Variants in PCDHA11 observed in about 807,000 individuals in gnomAD.
The protein encoded by PCDHA11 is protocadherin alpha-11.
In PCDHA11, 61 loss-of-function variants were observed where a neutral mutation model predicts 70.3. That is an observed-to-expected ratio of 0.87 (90% CI 0.71 to 1.07). PCDHA11 has a LOEUF of 1.07. PCDHA11 is among the 50% of genes least tolerant of loss of function. The pLI is 0.00. For synonymous variants in PCDHA11, 633 were observed against 555.1 expected (o/e 1.14, Z -1.97); for missense variants, 1,324 against 1,237.5 (o/e 1.07, Z -1.05).
intron 1 of PCDHA11, chr5:140,877,065 G>T (rs782807909): frequency 6.2e-7 from 1 of 1,613,044 alleles, no homozygotes; most frequent in Non-Finnish European, 8.5e-7. Flanking sequence ...TGGAGCTGCT[G>T]CAGTTCCAGG....
chr5:140,882,049 T>C, intron 1 of PCDHA11: 1 of 752,814 alleles, frequency 1.3e-6, no homozygotes, highest in Non-Finnish European at 2.1e-6. Flanking sequence ...TGAGTCATAC[T>C]TACACTTACA....
intron 1 of PCDHA11, among the ~76,000 whole-genome samples, chr5:140,886,770 G>A (rs1554182701): frequency 6.8e-6 from 1 of 146,884 alleles, no homozygotes; most frequent in Non-Finnish European, 1.5e-5. Context: ...AGGTTGCAGT[G>A]AGATGAGATC....
Position 140,886,842 on chromosome 5 carries a change from A to AG in PCDHA11, c.2391+15348_2391+15349insG, listed in dbSNP as rs1190647876. ...ACTTCGTCTTGAAAAAAAAAAAAAA[A>AG]AAAAAGAAAGGTCTTCCCAACTCCT... is the stretch of plus-strand genomic sequence containing the variant. On this transcript the variant is annotated intron_variant, in intron 1 of 3. Coordinates refer to ENST00000398640, the MANE Select transcript of PCDHA11 (RefSeq NM_018902.5). 2.4e-3 allele frequency among the ~76,000 whole-genome samples: 362 copies of AG among 151,632 alleles called. 2 individuals are homozygous for AG. Among genetic ancestry groups the AG allele is most frequent in the Middle Eastern group, 0.014 (4 of 292 alleles).
chr5:140,886,422 T>G (rs930235903), intron 1 of PCDHA11, among the ~76,000 whole-genome samples: 1 of 152,240 alleles, frequency 6.6e-6, no homozygotes, highest in Non-Finnish European at 1.5e-5. Flanking sequence ...TCCTATATTA[T>G]TTCTATTCAT....
At chr5:140,976,818 G>A (rs782290955) in intron 1 of PCDHA11, among the ~76,000 whole-genome samples, 5 of 152,208 alleles carry the variant, frequency 3.3e-5, no homozygotes, top group Admixed American at 6.5e-5. Flanking sequence ...ATATGCATGT[G>A]TCTAATGAGC....
At chr5:140,892,819 A>G (rs551280418) in intron 1 of PCDHA11, among the ~76,000 whole-genome samples, 2 of 152,304 alleles carry the variant, frequency 1.3e-5, no homozygotes, top group South Asian at 4.1e-4. Context: ...TTTATCCTAC[A>G]GTGCTACAGT....
chr5:141,003,457 G>A (rs769049189), intron 3 of PCDHA11, among the ~76,000 whole-genome samples: 1 of 152,136 alleles, frequency 6.6e-6, no homozygotes, highest in Non-Finnish European at 1.5e-5. Flanking sequence ...AATTACAGGC[G>A]TGCACCACCA....
In PCDHA11 at chr5:140,871,391, C is replaced by T; in HGVS notation, c.2288C>T (p.Pro763Leu). Reference protein sequence around the residue: ...RRQRVCSEEGPPKTDLMAFSP... With the variant: ...RRQRVCSEEGLPKTDLMAFSP... ...CAGAGGGTGTGCTCTGAGGAGGGCC[C>T]ACCTAAGACGGACCTCATGGCCTTC... Residue 763 changes from proline (P) to leucine (L), a missense_variant, in exon 1 of 4, where the codon CCA becomes CTA. Transcript: ENST00000398640. 1 of 1,614,170 alleles carries T rather than the reference C, an allele frequency of 6.2e-7. No individual in the cohort carries two copies. The highest frequency in any genetic ancestry group is 8.5e-7 in the Non-Finnish European group (1 of 1,180,004).
intron 3 of PCDHA11, 104 bp from the exon 4 acceptor site, chr5:141,009,523 G>A: frequency 6.7e-7 from 1 of 1,502,140 alleles, no homozygotes; most frequent in Non-Finnish European, 8.9e-7. Flanking sequence ...GATTTTTCTG[G>A]GGAGGTTCAG....
rs571694728 is a variant in PCDHA11, at chr5:140,949,343, CTG to C, written c.2392-29602_2392-29601del. Among the ~76,000 whole-genome samples the C allele has an allele frequency of 8.0e-4, 121 of 151,818 alleles. 1 individual carries two copies. Among genetic ancestry groups the C allele is most frequent in the Admixed American group, 3.5e-3 (54 of 15,258 alleles). On this transcript the variant is annotated intron_variant, in intron 1 of 3. Transcript: ENST00000398640. ...TATAAATTATTGTTATCCAGATTTT[CTG>C]TGTCTTTATTTTTTTGTCTAGTTGT...
At chr5:140,898,450 C>G (rs1276825221) in intron 1 of PCDHA11, among the ~76,000 whole-genome samples, 4 of 152,148 alleles carry the variant, frequency 2.6e-5, no homozygotes, top group Non-Finnish European at 4.4e-5. Flanking sequence ...ATAGGGAATC[C>G]TTTCCCCATT....
intron 1 of PCDHA11, among the ~76,000 whole-genome samples, chr5:140,972,920 C>T (rs1343772789): frequency 6.6e-6 from 1 of 152,048 alleles, no homozygotes; most frequent in East Asian, 1.9e-4. Context: ...CCTTGGCCTC[C>T]CAAAGTGCTG....
chr5:140,909,585 T>C (rs1554193854), intron 1 of PCDHA11, among the ~76,000 whole-genome samples: 1 of 152,180 alleles, frequency 6.6e-6, no homozygotes, highest in Non-Finnish European at 1.5e-5. Context: ...GATATGTTTT[T>C]TGATTTACTA....
At chr5:140,892,363 G>T (rs1485881453) in intron 1 of PCDHA11, among the ~76,000 whole-genome samples, 1 of 152,120 alleles carries the variant, frequency 6.6e-6, no homozygotes, top group African/African-American at 2.4e-5. Context: ...CAGGCATCTT[G>T]GGGCACTAGC....
intron 1 of PCDHA11, among the ~76,000 whole-genome samples, chr5:140,902,253 G>T (rs1170626795): frequency 1.4e-5 from 2 of 144,500 alleles, no homozygotes; most frequent in Non-Finnish European, 3.0e-5. Flanking sequence ...GCCCAGGCTG[G>T]TCTCGAACTC....
chr5:140,941,191 T>TTTTTTTCTTTC (rs1554213809), intron 1 of PCDHA11, among the ~76,000 whole-genome samples: 6 of 93,206 alleles, frequency 6.4e-5, no homozygotes, highest in Admixed American at 2.5e-4. Context: ...GCTTCTTTTT[T>TTTTTTTCTTTC]TTTCTTTCTT....
intron 1 of PCDHA11, chr5:140,929,631 A>G (rs1584645197): frequency 2.6e-6 from 1 of 386,808 alleles, no homozygotes; most frequent in Non-Finnish European, 4.7e-6. Flanking sequence ...TTTATAAGCA[A>G]CAGATGTGTA....
chr5:140,932,398 T>TA (rs1472151465), intron 1 of PCDHA11, among the ~76,000 whole-genome samples: 1 of 151,960 alleles, frequency 6.6e-6, no homozygotes, highest in Non-Finnish European at 1.5e-5. Flanking sequence ...AGTTTCAACA[T>TA]ACCAATGTTA....
At chr5:140,904,932 T>C in intron 1 of PCDHA11, among the ~76,000 whole-genome samples, 1 of 152,250 alleles carries the variant, frequency 6.6e-6, no homozygotes, top group African/African-American at 2.4e-5. Context: ...TTGTAGGTTC[T>C]GGATATTAGT....
Sources: allele counts gnomAD v4.1 joint callset (sites outside exome capture counted in the v4.1 genomes callset), GRCh38; gene constraint gnomAD v4.1.1; transcripts MANE v1.5; gene names NCBI Gene and HGNC (gene_info 2026-07-23, HGNC 2026-07-21).